The following MACF1 variants were observed in gnomAD, a reference collection of about 807,000 sequenced individuals.
The protein encoded by MACF1 is microtubule actin crosslinking factor 1, also known as microtubule-actin cross-linking factor 1.
A neutral mutation model predicts 854.8 loss-of-function variants in MACF1; 193 were observed. The ratio of observed to expected loss-of-function variants is 0.23; its 90% confidence interval spans 0.20 to 0.25. The LOEUF (loss-of-function observed/expected upper bound fraction) is 0.25, where lower values mean the gene tolerates loss of function less well. Ranked by LOEUF, MACF1 falls within the 10% of genes least tolerant of loss-of-function variation. MACF1 has a pLI of 1.00. For missense variants in MACF1, 7,722 were observed against 8,929.1 expected (o/e 0.86, Z 5.45); for synonymous variants, 3,185 against 3,226.7 (o/e 0.99, Z 0.44).
At chr1:39,292,083 A>G (rs1374396423) in intron 16 of MACF1, 45 bp downstream of exon 16, 2 of 1,607,108 alleles carry the variant, frequency 1.2e-6, no homozygotes, top group Non-Finnish European at 1.7e-6. Context: ...ACGTGGTTGG[A>G]ACGGATGAAA....
chr1:39,355,366 A>G (rs1645405890), intron 44 of MACF1, among the ~76,000 whole-genome samples: 1 of 151,618 alleles, frequency 6.6e-6, no homozygotes, highest in African/African-American at 2.4e-5. Flanking sequence ...AAGGACACCT[A>G]GGTGATATAC....
At chr1:39,284,980 G>A in intron 11 of MACF1, 103 bp from the exon 12 acceptor site, 1 of 1,456,010 alleles carries the variant, frequency 6.9e-7, no homozygotes, top group Non-Finnish European at 9.4e-7. Flanking sequence ...AAAAACTGCT[G>A]AATGGCTGGG....
intron 2 of MACF1, among the ~76,000 whole-genome samples, chr1:39,095,882 A>G (rs1641924715): frequency 6.6e-6 from 1 of 151,798 alleles, no homozygotes; most frequent in Non-Finnish European, 1.5e-5. Flanking sequence ...CTCAAAAAAA[A>G]AAATGGCTGG....
intron 35 of MACF1, among the ~76,000 whole-genome samples, chr1:39,325,222 C>G (rs940215429): frequency 2.0e-5 from 3 of 152,118 alleles, no homozygotes; most frequent in African/African-American, 4.8e-5. Flanking sequence ...GTTAAGGAAG[C>G]CTCAGAGAAG....
At chr1:39,278,934 C>T (rs1410607237) in intron 6 of MACF1, among the ~76,000 whole-genome samples, 4 of 152,078 alleles carry the variant, frequency 2.6e-5, no homozygotes, top group African/African-American at 7.2e-5. Context: ...TGAGATTGGT[C>T]TATGTGAATT....
intron 2 of MACF1, among the ~76,000 whole-genome samples, chr1:39,164,612 T>G (rs917156273): frequency 6.6e-6 from 1 of 152,176 alleles, no homozygotes; most frequent in African/African-American, 2.4e-5. Context: ...CCTAGTACCC[T>G]TTTCTCTTGT....
At chr1:39,346,941 TTTTTGTG>T in intron 40 of MACF1, 29 bp from the exon 41 acceptor site, 2 of 1,370,464 alleles carry the variant, frequency 1.5e-6, no homozygotes, top group Non-Finnish European at 2.1e-6. Context: ...GTATCATGGT[TTTTTGTG>T]TTTTGTTTCC....
At chr1:39,304,683 C>A (rs750444569) in intron 23 of MACF1, 176 of 429,712 alleles carry the variant, frequency 4.1e-4, no homozygotes, top group Middle Eastern at 1.4e-3. Context: ...CCTGCCTCAG[C>A]CTCCTGAGTA....
rs545680819 is a variant in MACF1, at chr1:39,362,373, TCTC to T, written c.12771+699_12771+701del. ...AATCTCATTGTTTGGTTTGGTTTGC[TCTC>T]CTTTTTGCTTTGAATGATTTCAAAC... On this transcript the variant is annotated intron_variant, in intron 49 of 100. Coordinates refer to ENST00000564288, the MANE Select transcript of MACF1 (RefSeq NM_001394062.1). 3.9e-5 allele frequency among the ~76,000 whole-genome samples: 6 copies of T among 152,262 alleles called. No individual in the cohort carries two copies. The East Asian group carries it at 9.6e-4, about 24-fold the overall frequency.
At chr1:39,116,676 A>G (rs1642555828) in intron 2 of MACF1, among the ~76,000 whole-genome samples, 1 of 152,154 alleles carries the variant, frequency 6.6e-6, no homozygotes, top group Non-Finnish European at 1.5e-5. Flanking sequence ...GCATATATGT[A>G]ACTTTTGCAT....
intron 52 of MACF1, among the ~76,000 whole-genome samples, chr1:39,376,746 C>T (rs1369510894): frequency 3.3e-5 from 5 of 152,092 alleles, no homozygotes; most frequent in African/African-American, 9.7e-5. Flanking sequence ...GACAGGGTCT[C>T]GCTCTGTCAC....
chr1:39,441,399 A>G (rs946518813), intron 74 of MACF1, 74 bp downstream of exon 74: 13 of 1,238,126 alleles, frequency 1.0e-5, no homozygotes, highest in Non-Finnish European at 1.4e-5. Context: ...TTTGGAATTA[A>G]GCACAAAAGT....
At position 39,303,548 on chromosome 1, in the gene MACF1, GT is replaced by G. The variant is rs555020339; in HGVS notation, c.2789+471del. ...TGCCTGGGCAACAGAGCGAGACTCT[GT>G]CTCAAAAAAAAAAAAGATTGGGCTG... is the stretch of plus-strand genomic sequence containing the variant. On this transcript the variant is annotated intron_variant, in intron 23 of 100. Transcript: ENST00000564288. 1.7e-3 allele frequency among the ~76,000 whole-genome samples: 245 copies of G among 146,116 alleles called. 1 individual carries two copies. Among genetic ancestry groups the G allele is most frequent in the African/African-American group, 5.8e-3 (236 of 40,676 alleles).
At position 39,422,722 on chromosome 1, in the gene MACF1, T is replaced by C. The variant is rs750353322; in HGVS notation, c.15979-8T>C. On this transcript the variant is annotated splice_polypyrimidine_tract_variant and splice_region_variant and intron_variant, in intron 59 of 100. Transcript: ENST00000564288. ...TTCTCATAATGAACCTACATGTTCA[T>C]GATACAGGTCGCACAAAGAATTGCA... 5.6e-6 allele frequency: 9 copies of C among 1,613,272 alleles called. No homozygotes were observed. Among genetic ancestry groups the C allele is most frequent in the Admixed American group, 1.7e-5 (1 of 60,004 alleles).
At chr1:39,108,514 T>G (rs894316191) in intron 2 of MACF1, among the ~76,000 whole-genome samples, 15 of 149,178 alleles carry the variant, frequency 1.0e-4, no homozygotes, top group African/African-American at 3.0e-4. Context: ...GGGTTTTTTT[T>G]TTTTTTTTTT....
chr1:39,241,009 A>C (rs1261878706), intron 2 of MACF1, among the ~76,000 whole-genome samples: 2 of 150,286 alleles, frequency 1.3e-5, no homozygotes, highest in East Asian at 3.9e-4. Flanking sequence ...ATTTAAGCAT[A>C]GTTCTTTCCA....
At chr1:39,476,903 T>C (rs1214427675) in intron 97 of MACF1, among the ~76,000 whole-genome samples, 1 of 151,066 alleles carries the variant, frequency 6.6e-6, no homozygotes, top group Non-Finnish European at 1.5e-5. Flanking sequence ...TTTGAAACAC[T>C]GTCCTCCCCG....
intron 2 of MACF1, among the ~76,000 whole-genome samples, chr1:39,147,395 C>T (rs1392811646): frequency 1.4e-5 from 2 of 142,438 alleles, no homozygotes; most frequent in South Asian, 2.2e-4. Context: ...CCCTTCTTTC[C>T]TTCCTTCCCT....
At chr1:39,188,644 A>T (rs1302681700) in intron 2 of MACF1, among the ~76,000 whole-genome samples, 1 of 152,132 alleles carries the variant, frequency 6.6e-6, no homozygotes, top group African/African-American at 2.4e-5. Context: ...TGATTGATTG[A>T]TTGAGACGGA....
Sources: allele counts gnomAD v4.1 joint callset (sites outside exome capture counted in the v4.1 genomes callset), GRCh38; gene constraint gnomAD v4.1.1; transcripts MANE v1.5; gene names NCBI Gene and HGNC (gene_info 2026-07-23, HGNC 2026-07-21).